CCNJL: variants seen among roughly 807,000 people sequenced by gnomAD.
The protein encoded by CCNJL is cyclin J like.
CCNJL carries 33 observed loss-of-function variants against 33.4 expected under a neutral mutation model. That is an observed-to-expected ratio of 0.99 (90% confidence interval 0.75 to 1.32). The LOEUF (loss-of-function observed/expected upper bound fraction) is 1.32. CCNJL is among the 40% of genes most tolerant of loss of function. The pLI is 0.00. For missense variants in CCNJL, 512 were observed against 499.7 expected (o/e 1.02, Z -0.23); for synonymous variants, 227 against 220.9 (o/e 1.03, Z -0.24).
rs913821011 is a variant in CCNJL, at chr5:160,249,801, T to TA, written c.*3576dup. ...ATAAATAAATAAATAAATAAATAAA[T>TA]AAATAAAATAAAAATTTAAAAAATC... On this transcript the variant is annotated 3_prime_UTR_variant, in exon 6 of 6. Transcript: ENST00000257536. 2.6e-3 allele frequency: 355 copies of TA among 138,692 alleles called. 1 individual carries two copies. Among genetic ancestry groups the TA allele is most frequent in the African/African-American group, 9.2e-3 (341 of 36,984 alleles). The allele number at this position is 138,692 out of a possible 1,614,324, so 8.6% of individuals were successfully genotyped here.
At chr5:160,315,301 T>TTCC, upstream of CCNJL, 1 of 155,128 alleles carries the variant, frequency 6.4e-6, no homozygotes, top group Non-Finnish European at 1.3e-5. Context: ...CATAGCAAGA[T>TTCC]CCCGCCCCCG....
intron 2 of CCNJL, among the ~76,000 whole-genome samples, chr5:160,287,981 C>A (rs1762464027): frequency 6.6e-6 from 1 of 152,154 alleles, no homozygotes; most frequent in Admixed American, 6.5e-5. Context: ...TCACCTGACT[C>A]AGGGAAGCCC....
At chr5:160,304,856 C>T (rs1763040920) in intron 2 of CCNJL, among the ~76,000 whole-genome samples, 2 of 150,756 alleles carry the variant, frequency 1.3e-5, no homozygotes, top group African/African-American at 2.5e-5. Flanking sequence ...GCTCTGTCAC[C>T]AGGCTGGAAT....
At position 160,253,730 on chromosome 5, in the gene CCNJL, G is replaced by T; in HGVS notation, c.812C>A (p.Thr271Lys). ...CAGCACTTGAGTGGGGGTGGGGGGT[G>T]TGCCGGGCACCATTGCCAAGGCCTG... Reference protein sequence around the residue: ...KSQALAMVPGTPPTPTQVLFQ... With the variant: ...KSQALAMVPGKPPTPTQVLFQ... The change falls in exon 6 of 6, where the codon ACA (threonine) becomes AAA (lysine). Residue 271 changes from threonine (T) to lysine (K), a missense_variant. By Grantham distance (78) the Thr-to-Lys change is moderately conservative (BLOSUM62 -1). Transcript: ENST00000257536. The T allele has an allele frequency of 6.3e-7, 1 of 1,577,188 alleles. No homozygotes were observed.
chr5:160,253,665 T>C lies in CCNJL; in HGVS notation c.877A>G (p.Thr293Ala), dbSNP rs1204555623. Reference sequence around the variant, plus strand: ...GGGGTCTGGAACTGTGCCAGGGTGGTCGCTGGCTGGCCGAGGGCCGGGTAG... The same window carrying C: ...GGGGTCTGGAACTGTGCCAGGGTGGCCGCTGGCTGGCCGAGGGCCGGGTAG... ...PAYPALGQPA[T>A]TLAQFQTPVQ... The change falls in exon 6 of 6, where the codon ACC (threonine) becomes GCC (alanine). Residue 293 changes from threonine (T) to alanine (A), a missense_variant. By Grantham distance (58) the Thr-to-Ala change is moderately conservative. Coordinates refer to ENST00000257536, the MANE Select transcript of CCNJL (RefSeq NM_001308173.3). The C allele has an allele frequency of 4.4e-6, 7 of 1,609,178 alleles. No individual in the cohort carries two copies. Among genetic ancestry groups the C allele is most frequent in the South Asian group, 1.1e-5 (1 of 90,736 alleles).
At chr5:160,325,203 G>T (rs1338296495) in intron 1 of CCNJL, among the ~76,000 whole-genome samples, 1 of 152,172 alleles carries the variant, frequency 6.6e-6, no homozygotes, top group Non-Finnish European at 1.5e-5. Flanking sequence ...TTAAGAAACA[G>T]TTACTGCCTA....
chr5:160,252,663 G>A lies in CCNJL; in HGVS notation c.*715C>T, dbSNP rs1170188313. The stretch of plus-strand genomic sequence containing the variant: ...AGCCCTCATGTGGGACAGGCAGTGT[G>A]GCAATTAAATTTGTTTTTTTCTCCA... On this transcript the variant is annotated 3_prime_UTR_variant, in exon 6 of 6. Transcript: ENST00000257536. The A allele has an allele frequency of 1.3e-5, 2 of 152,632 alleles. No individual in the cohort carries two copies. Among genetic ancestry groups the A allele is most frequent in the African/African-American group, 2.4e-5 (1 of 41,444 alleles). The allele number at this position is 152,632 out of a possible 1,614,324, so 9.5% of individuals were successfully genotyped here.
intron 3 of CCNJL, among the ~76,000 whole-genome samples, chr5:160,265,957 T>C (rs1181333162): frequency 6.6e-6 from 1 of 152,206 alleles, no homozygotes; most frequent in African/African-American, 2.4e-5. Flanking sequence ...AAAAAATCTC[T>C]TCCTCATTTT....
At chr5:160,260,503 A>T (rs1440207767) in intron 3 of CCNJL, among the ~76,000 whole-genome samples, 1 of 152,152 alleles carries the variant, frequency 6.6e-6, no homozygotes, top group Admixed American at 6.5e-5. Flanking sequence ...AGGTTATCCT[A>T]CCCACGGGTT....
At chr5:160,286,580 G>A (rs1387971310) in intron 2 of CCNJL, among the ~76,000 whole-genome samples, 4 of 152,128 alleles carry the variant, frequency 2.6e-5, no homozygotes, top group African/African-American at 9.7e-5. Flanking sequence ...AGAGGTTGCA[G>A]TGAGCCAATA....
intron 3 of CCNJL, 37 bp downstream of exon 3, chr5:160,280,488 C>G (rs760654439): frequency 4.5e-6 from 7 of 1,553,038 alleles, no homozygotes; most frequent in Non-Finnish European, 6.2e-6. Flanking sequence ...GGGAGGAGAC[C>G]GCACAAGCGC....
At chr5:160,285,293 T>C (rs1394443996) in intron 2 of CCNJL, among the ~76,000 whole-genome samples, 1 of 152,254 alleles carries the variant, frequency 6.6e-6, no homozygotes, top group Non-Finnish European at 1.5e-5. Flanking sequence ...CATGGTTTGA[T>C]GAATTTATGC....
rs1274777401 is a variant in CCNJL at position 160,311,899 on chromosome 5, C to G, written c.25G>C (p.Gly9Arg). Residue 9 changes from glycine to arginine, a missense_variant, in exon 2 of 6, where the codon GGG becomes CGG. By Grantham distance (125) the Gly-to-Arg change is moderately radical. Transcript: ENST00000257536. The stretch of plus-strand genomic sequence containing the variant: ...CAGTGGACGTCCGAGGCGACGCGCC[C>G]TTCCCACCACGGCTCATCCATCATC... MMDEPWWE[G>R]RVASDVHCTL... is the part of the protein sequence containing the mutation. The G allele has an allele frequency of 6.2e-7, 1 of 1,614,206 alleles. No individual in the cohort carries two copies. The highest frequency in any genetic ancestry group is 8.5e-7 in the Non-Finnish European group (1 of 1,180,026).
intron 2 of CCNJL, among the ~76,000 whole-genome samples, chr5:160,281,620 A>G (rs1762218190): frequency 6.6e-6 from 1 of 151,996 alleles, no homozygotes; most frequent in African/African-American, 2.4e-5. Flanking sequence ...TTACCGTTCA[A>G]TCAAAGAAGA....
At chr5:160,262,602 G>A (rs1761391573) in intron 3 of CCNJL, among the ~76,000 whole-genome samples, 1 of 152,204 alleles carries the variant, frequency 6.6e-6, no homozygotes, top group African/African-American at 2.4e-5. Flanking sequence ...AGAATGGGCT[G>A]TGCTTCGAGC....
At chr5:160,298,791 TAAC>T (rs1762830126) in intron 2 of CCNJL, among the ~76,000 whole-genome samples, 1 of 152,100 alleles carries the variant, frequency 6.6e-6, no homozygotes, top group Non-Finnish European at 1.5e-5. Context: ...ACCAATCTGT[TAAC>T]AATGAATTCA....
chr5:160,270,625 C>T (rs1761798198), intron 3 of CCNJL, among the ~76,000 whole-genome samples: 1 of 152,142 alleles, frequency 6.6e-6, no homozygotes, highest in African/African-American at 2.4e-5. Context: ...TTAACGATCC[C>T]ATCACCACTG....
chr5:160,321,058 CTTTCTTTCTTTCTTTCTTTCTT>C (rs1561812847), intron 1 of CCNJL, among the ~76,000 whole-genome samples: 4 of 120,790 alleles, frequency 3.3e-5, no homozygotes, highest in African/African-American at 1.7e-4. Context: ...TTCTTTCTTT[CTTTCTTTCTTTCTTTCTTTCTT>C]TCTTTCTTTC....
rs948158182 is a variant in CCNJL, at chr5:160,259,788, G to A, written c.281-17C>T. On this transcript the variant is annotated splice_polypyrimidine_tract_variant and intron_variant, in intron 3 of 5. Transcript: ENST00000257536. ...CGAACTTACCTGTCGGGGAGCAGGG[G>A]AAGCAGGGGTTACTGGAAGACATTT... 5 of 1,586,264 alleles carry A rather than the reference G, an allele frequency of 3.2e-6. No homozygotes were observed. Among genetic ancestry groups the A allele is most frequent in the Non-Finnish European group, 4.3e-6 (5 of 1,164,566 alleles).
Sources: allele counts gnomAD v4.1 joint callset (sites outside exome capture counted in the v4.1 genomes callset), GRCh38; gene constraint gnomAD v4.1.1; transcripts MANE v1.5; gene names NCBI Gene and HGNC (gene_info 2026-07-23, HGNC 2026-07-21).